Variants in SLC45A1 observed in about 807,000 individuals in gnomAD.
The protein encoded by SLC45A1 is proton-associated sugar transporter A.
A neutral mutation model predicts 57.6 loss-of-function variants in SLC45A1; 28 were observed. The observed-to-expected ratio is 0.49, with a 90% CI of 0.36 to 0.67. The LOEUF is 0.67. Among genes scored for constraint, SLC45A1 ranks in the 30% least tolerant of loss-of-function variants. The probability of loss-of-function intolerance (pLI) is 0.00; values close to 1 mark genes in which losing one functional copy is unlikely to be tolerated. For synonymous variants in SLC45A1, 459 were observed against 471.5 expected, an observed-to-expected ratio of 0.97 and a Z score of 0.34; for missense variants, 814 against 1,041.5, an observed-to-expected ratio of 0.78 and a Z score of 3.01.
At chr1:8,331,075 T>G in intron 5 of SLC45A1, 139 bp downstream of exon 5, 1 of 1,171,418 alleles carries the variant, frequency 8.5e-7, no homozygotes, top group East Asian at 2.5e-5. Context: ...TGCTTTGACC[T>G]AAAGAGAAAA....
chr1:8,332,364 A>G (rs529519204), intron 5 of SLC45A1, among the ~76,000 whole-genome samples: 1 of 152,352 alleles, frequency 6.6e-6, no homozygotes, highest in South Asian at 2.1e-4. Flanking sequence ...CTATAAAAAC[A>G]GGAATCTCCA....
At position 8,330,867 on chromosome 1, in the gene SLC45A1, C is replaced by A. The variant is rs1640382530; in HGVS notation, c.1374C>A (p.Ala458=). ...SGILKRPQTL[A]IPDAAGGGGP... ...TTCTGAAGAGACCTCAGACCTTGGC[C>A]ATCCCGGACGCAGCCGGAGGAGGGG... The change falls in exon 5 of 9, where the codon GCC becomes GCA. Residue 458 remains alanine (A), a synonymous_variant. Transcript: ENST00000471889. The surrounding 1 kb of genome is among the most constrained non-coding windows in gnomAD (Gnocchi z 8.4). The A allele has an allele frequency of 2.5e-6, 4 of 1,608,866 alleles. No homozygotes were observed. The highest frequency in any genetic ancestry group is 3.4e-6 in the Non-Finnish European group (4 of 1,176,522).
rs1178723492 is a variant in SLC45A1, at chr1:8,330,834, A to T, written c.1341A>T (p.Ser447=). The part of the protein sequence containing the change: ...VGSLDTSKPR[S]SGILKRPQTL... ...CCTTGGACACCTCTAAGCCGAGGTCATCAGGGATTCTGAAGAGACCTCAGA... is the reference window on the plus strand; with the variant it reads ...CCTTGGACACCTCTAAGCCGAGGTCTTCAGGGATTCTGAAGAGACCTCAGA... Residue 447 remains serine (S), a synonymous_variant, in exon 5 of 9, where the codon TCA becomes TCT. Coordinates refer to ENST00000471889, the MANE Select transcript of SLC45A1 (RefSeq NM_001080397.3). The surrounding 1 kb of genome is among the most constrained non-coding windows in gnomAD (Gnocchi z 8.4). 4.3e-6 allele frequency: 7 copies of T among 1,613,472 alleles called. No homozygotes were observed. Among genetic ancestry groups the T allele is most frequent in the African/African-American group, 1.3e-5 (1 of 75,074 alleles).
rs1452720028 is a variant in SLC45A1, at chr1:8,339,569, G to A, written c.1851G>A (p.Gly617=). The A allele has an allele frequency of 1.9e-6, 3 of 1,614,112 alleles. No homozygotes were observed. The highest frequency in any genetic ancestry group is 1.7e-5 in the Admixed American group (1 of 60,006). ...TCGCCTATCTCGCCTTCGGCCTGGGGACCGGGCTTGCCACCCTCTCCAGGA... is the reference window on the plus strand; with the variant it reads ...TCGCCTATCTCGCCTTCGGCCTGGGAACCGGGCTTGCCACCCTCTCCAGGA... ...YFIAYLAFGL[G]TGLATLSRNL... The change falls in exon 8 of 9, where the codon GGG becomes GGA. Residue 617 remains glycine, a synonymous_variant. Transcript: ENST00000471889.
At chr1:8,340,350 G>C (rs1374224229) in intron 8 of SLC45A1, among the ~76,000 whole-genome samples, 1 of 152,060 alleles carries the variant, frequency 6.6e-6, no homozygotes. Context: ...TTTTAGTAGA[G>C]ACGGGGTTTC....
chr1:8,337,156 G>T (rs909581202), intron 6 of SLC45A1, among the ~76,000 whole-genome samples: 15 of 152,252 alleles, frequency 9.9e-5, no homozygotes, highest in Non-Finnish European at 2.2e-4. Flanking sequence ...CATGGCGGAA[G>T]GCAAAGGAGG....
At chr1:8,340,404 C>T (rs1019526844) in intron 8 of SLC45A1, among the ~76,000 whole-genome samples, 2 of 152,058 alleles carry the variant, frequency 1.3e-5, no homozygotes, top group East Asian at 1.9e-4. Context: ...CCTCATGATC[C>T]GCCCGCCTCA....
At position 8,330,682 on chromosome 1, in the gene SLC45A1, A is replaced by G. The variant is rs887015026; in HGVS notation, c.1189A>G (p.Arg397Gly). 2 of 1,613,194 alleles carry G rather than the reference A, an allele frequency of 1.2e-6. No individual in the cohort carries two copies. The highest frequency in any genetic ancestry group is 1.7e-6 in the Non-Finnish European group (2 of 1,179,984). The change falls in exon 5 of 9, where the codon AGG (arginine) becomes GGG (glycine). Residue 397 changes from arginine to glycine, a missense_variant. Arg to Gly is a moderately radical substitution (Grantham distance 125, BLOSUM62 -2). Transcript: ENST00000471889. This position sits in a 1 kb window ranked among gnomAD's most constrained non-coding sequence, Gnocchi z 8.4. Reference protein sequence around the residue: ...SYLAIPGSVPRPPISVSFPRA... With the variant: ...SYLAIPGSVPGPPISVSFPRA... Reference sequence around the variant, plus strand: ...CCTGGCCATCCCTGGCAGCGTCCCCAGGCCGCCCATCAGCGTCAGCTTCCC... The same window carrying G: ...CCTGGCCATCCCTGGCAGCGTCCCCGGGCCGCCCATCAGCGTCAGCTTCCC...
Position 8,339,591 on chromosome 1 carries a change from A to G in SLC45A1, c.1873A>G (p.Arg625Gly). 1 of 1,614,236 alleles carries G rather than the reference A, an allele frequency of 6.2e-7. No homozygotes were observed. Among genetic ancestry groups the G allele is most frequent in the Non-Finnish European group, 8.5e-7 (1 of 1,180,028 alleles). The change falls in exon 8 of 9, where the codon AGG becomes GGG. Residue 625 changes from arginine (R) to glycine (G), a missense_variant. Coordinates refer to ENST00000471889, the MANE Select transcript of SLC45A1 (RefSeq NM_001080397.3). ...GLGTGLATLSRNLYVVLSLCI... is the reference protein window; with the variant it reads ...GLGTGLATLSGNLYVVLSLCI... Reference sequence around the variant, plus strand: ...GGGGACCGGGCTTGCCACCCTCTCCAGGAACCTCTACGTGGTCCTGTCGCT... The same window carrying G: ...GGGGACCGGGCTTGCCACCCTCTCCGGGAACCTCTACGTGGTCCTGTCGCT...
chr1:8,340,061 C>T (rs1328908785), intron 8 of SLC45A1, among the ~76,000 whole-genome samples: 1 of 151,960 alleles, frequency 6.6e-6, no homozygotes, highest in Non-Finnish European at 1.5e-5. Context: ...CAGTGAAGCT[C>T]GGAAAACTCA....
chr1:8,333,812 G>A (rs759008346), intron 5 of SLC45A1, among the ~76,000 whole-genome samples: 3 of 152,176 alleles, frequency 2.0e-5, no homozygotes, highest in African/African-American at 4.8e-5. Flanking sequence ...GTGTCTTCAC[G>A]CCTGCGTACC....
chr1:8,336,653 G>T (rs1356806495), intron 6 of SLC45A1, among the ~76,000 whole-genome samples: 1 of 152,172 alleles, frequency 6.6e-6, no homozygotes, highest in Non-Finnish European at 1.5e-5. Flanking sequence ...GCGATTGGGG[G>T]ATAGAGATGT....
At position 8,343,141 on chromosome 1, in the gene SLC45A1, C is replaced by T. The variant is rs562455917; in HGVS notation, c.1981-606C>T. On this transcript the variant is annotated intron_variant, in intron 8 of 8. Coordinates refer to ENST00000471889, the MANE Select transcript of SLC45A1 (RefSeq NM_001080397.3). This position sits in a 1 kb window ranked among gnomAD's most constrained non-coding sequence, Gnocchi z 7.7. ...CAGGTCACAGCAATGCCCACTCACG[C>T]AGCACCTTGCAGGCCGGCTGGTGCT... Among the ~76,000 whole-genome samples the T allele has an allele frequency of 1.5e-4, 23 of 152,302 alleles. No individual in the cohort carries two copies. The highest frequency in any genetic ancestry group is 5.3e-4 in the African/African-American group (22 of 41,572).
chr1:8,335,631 C>T lies in SLC45A1; in HGVS notation c.1597+41C>T. ...AGCCTCCCCGTGAGTCCTGGTCCTG[C>T]TCAGGGCTCTCGCCCCACTGGCCTC... On this transcript the variant is annotated intron_variant, in intron 6 of 8. Coordinates refer to ENST00000471889, the MANE Select transcript of SLC45A1 (RefSeq NM_001080397.3). The surrounding 1 kb of genome is among the most constrained non-coding windows in gnomAD (Gnocchi z 4.1). 1 of 1,541,324 alleles carries T rather than the reference C, an allele frequency of 6.5e-7. No individual in the cohort carries two copies. The highest frequency in any genetic ancestry group is 8.7e-7 in the Non-Finnish European group (1 of 1,148,086).
At chr1:8,340,041 T>C (rs1166531398) in intron 8 of SLC45A1, among the ~76,000 whole-genome samples, 1 of 152,186 alleles carries the variant, frequency 6.6e-6, no homozygotes, top group African/African-American at 2.4e-5. Context: ...GGGTGGGGCT[T>C]ATGGGGAGGC....
At position 8,330,366 on chromosome 1, in the gene SLC45A1, G is replaced by T; in HGVS notation, c.873G>T (p.Arg291Ser). ...TVLTLVSIPE[R>S]PLRPPSEKRA... ...TGACCCTGGTCAGCATCCCTGAGAG[G>T]CCGCTGCGGCCGCCGAGTGAGAAGC... The change falls in exon 5 of 9, where the codon AGG becomes AGT. Residue 291 changes from arginine (R) to serine (S), a missense_variant. Coordinates refer to ENST00000471889, the MANE Select transcript of SLC45A1 (RefSeq NM_001080397.3). The surrounding 1 kb of genome is among the most constrained non-coding windows in gnomAD (Gnocchi z 8.4). 1 of 1,613,012 alleles carries T rather than the reference G, an allele frequency of 6.2e-7. No homozygotes were observed. Among genetic ancestry groups the T allele is most frequent in the Non-Finnish European group, 8.5e-7 (1 of 1,179,946 alleles).
At position 8,323,862 on chromosome 1, in the gene SLC45A1, G is replaced by T. The variant is rs547439629; in HGVS notation, c.-24-444G>T. On this transcript the variant is annotated intron_variant, in intron 1 of 8. Coordinates refer to ENST00000471889, the MANE Select transcript of SLC45A1 (RefSeq NM_001080397.3). ...CGCGAGGAAGCACTCAGGGTGCCGGGGGGGTGGTTCCTAACCATGCCCAGT... is the reference window on the plus strand; with the variant it reads ...CGCGAGGAAGCACTCAGGGTGCCGGTGGGGTGGTTCCTAACCATGCCCAGT... Among the ~76,000 whole-genome samples, 17 of 152,324 alleles carry T rather than the reference G, an allele frequency of 1.1e-4. No homozygotes were observed. The South Asian group carries it at 2.1e-3, about 19-fold the overall frequency.
Position 8,324,493 on chromosome 1 carries a change from GCATTCGTCCCTCCC to G in SLC45A1, c.167_180del (p.Ile56ThrfsTer11). 1 of 1,612,442 alleles carries G rather than the reference GCATTCGTCCCTCCC, an allele frequency of 6.2e-7. No individual in the cohort carries two copies. Among genetic ancestry groups the G allele is most frequent in the Non-Finnish European group, 8.5e-7 (1 of 1,179,782 alleles). Reference sequence around the variant, plus strand: ...AAACGACACCCCAAGAGGAGGAAGTGCATTCGTCCCTCCCCACCCCCGCCCCCCAACACCCCGTG... The same window carrying G: ...AAACGACACCCCAAGAGGAGGAAGTGCACCCCCGCCCCCCAACACCCCGTG... On this transcript the variant is annotated frameshift_variant, in exon 2 of 9. Coordinates refer to ENST00000471889, the MANE Select transcript of SLC45A1 (RefSeq NM_001080397.3). LOFTEE classifies it high-confidence loss of function.
In SLC45A1 at chr1:8,326,905, G is replaced by A. The variant is rs376474932; in HGVS notation, c.715+863G>A. 5.9e-5 allele frequency among the ~76,000 whole-genome samples: 9 copies of A among 152,316 alleles called. No individual in the cohort carries two copies. Among genetic ancestry groups the A allele is most frequent in the South Asian group, 2.1e-4 (1 of 4,820 alleles). On this transcript the variant is annotated intron_variant, in intron 4 of 8. Coordinates refer to ENST00000471889, the MANE Select transcript of SLC45A1 (RefSeq NM_001080397.3). This position sits in a 1 kb window ranked among gnomAD's most constrained non-coding sequence, Gnocchi z 5.5. ...TGAGGCAGGAGAATCACTTGAATCC[G>A]GGAGGCGGAGGTTGCAGTGAACTGA... is the stretch of plus-strand genomic sequence containing the variant.
Sources: allele counts gnomAD v4.1 joint callset (sites outside exome capture counted in the v4.1 genomes callset), GRCh38; gene constraint gnomAD v4.1.1; non-coding constraint Gnocchi (gnomAD v3.1); transcripts MANE v1.5; gene names NCBI Gene and HGNC (gene_info 2026-07-23, HGNC 2026-07-21).